Variants in AGGF1 observed in about 807,000 individuals in gnomAD.
The protein encoded by AGGF1 is angiogenic factor with G-patch and FHA domains 1, also known as angiogenic factor with G patch and FHA domains 1.
Under a neutral mutation model 86.5 loss-of-function variants are expected in AGGF1, and 56 were observed. That is an observed-to-expected ratio of 0.65 (90% CI 0.52 to 0.81). The LOEUF (loss-of-function observed/expected upper bound fraction) is 0.81, where lower values mean the gene tolerates loss of function less well. Among genes scored for constraint, AGGF1 ranks in the 30% least tolerant of loss-of-function variants. The pLI, the probability that AGGF1 is intolerant of heterozygous loss-of-function variation, is 0.00. For synonymous variants in AGGF1, 313 were observed against 297.1 expected (o/e 1.05, Z -0.55); for missense variants, 816 against 850.9 (o/e 0.96, Z 0.51).
At chr5:77,045,852 T>C (rs1427085098) in intron 5 of AGGF1, among the ~76,000 whole-genome samples, 1 of 152,268 alleles carries the variant, frequency 6.6e-6, no homozygotes, top group Non-Finnish European at 1.5e-5. Context: ...TGCTGTTAAG[T>C]GTAAAATACA....
chr5:77,043,787 G>A (rs1456201076), intron 5 of AGGF1, among the ~76,000 whole-genome samples: 11 of 120,802 alleles, frequency 9.1e-5, no homozygotes, highest in Admixed American at 3.3e-4. Context: ...CTCAGAGTGG[G>A]CAGCTGCCGG....
chr5:77,063,477 C>T lies in AGGF1; in HGVS notation c.*225C>T, dbSNP rs539923425. ...TAAATAGACTAAAGTTCACAGGGCA[C>T]GGATGAGTTTATCAAACTTCGTTAT... On this transcript the variant is annotated 3_prime_UTR_variant, in exon 14 of 14. Coordinates refer to ENST00000312916, the MANE Select transcript of AGGF1 (RefSeq NM_018046.5). The T allele has an allele frequency of 1.3e-4, 68 of 528,680 alleles. No individual in the cohort carries two copies. Among genetic ancestry groups the T allele is most frequent in the African/African-American group, 1.0e-3 (54 of 52,450 alleles). The allele number at this position is 528,680 out of a possible 1,614,324, so 32.7% of individuals were successfully genotyped here. A position where few individuals can be genotyped will look rare whatever the true frequency, so the allele number is the denominator to read the frequency against.
intron 1 of AGGF1, 108 bp from the exon 2 acceptor site, chr5:77,034,309 CT>C: frequency 1.4e-6 from 1 of 726,544 alleles, no homozygotes; most frequent in East Asian, 2.7e-5. Flanking sequence ...GGGAAACTTG[CT>C]GCTCTTGACA....
intron 5 of AGGF1, 45 bp from the exon 6 acceptor site, chr5:77,046,302 A>G (rs754939000): frequency 6.8e-7 from 1 of 1,460,078 alleles, no homozygotes; most frequent in South Asian, 1.1e-5. Context: ...GTGATGTTTA[A>G]GAGTATTCTC....
intron 8 of AGGF1, 90 bp downstream of exon 8, chr5:77,049,077 A>C: frequency 7.8e-7 from 1 of 1,288,792 alleles, no homozygotes; most frequent in South Asian, 1.2e-5. Flanking sequence ...TTTCTCATTT[A>C]ATAGGAAGGT....
chr5:77,034,652 TATG>T (rs1241427560), intron 2 of AGGF1, 132 bp downstream of exon 2: 10 of 698,400 alleles, frequency 1.4e-5, no homozygotes, highest in Non-Finnish European at 2.6e-5. Context: ...CGTCTCTCCA[TATG>T]ATAATGGTAT....
intron 5 of AGGF1, among the ~76,000 whole-genome samples, chr5:77,041,373 C>G (rs1158057129): frequency 1.3e-5 from 2 of 152,086 alleles, no homozygotes; most frequent in East Asian, 3.9e-4. Flanking sequence ...TCAAGACCAG[C>G]CTGGCCAACA....
chr5:77,059,915 C>A (rs762517589), intron 12 of AGGF1, among the ~76,000 whole-genome samples, 172 bp downstream of exon 12: 3 of 152,012 alleles, frequency 2.0e-5, no homozygotes, highest in Non-Finnish European at 4.4e-5. Context: ...GGTCTCGGCT[C>A]ACTGCAACCT....
chr5:77,039,124 A>G (rs1032723900), intron 4 of AGGF1, among the ~76,000 whole-genome samples: 8 of 152,148 alleles, frequency 5.3e-5, no homozygotes, highest in Non-Finnish European at 1.2e-4. Context: ...TGCAGTCATT[A>G]AGAATCAGGA....
At chr5:77,051,479 T>A (rs1306793388) in intron 8 of AGGF1, among the ~76,000 whole-genome samples, 1 of 151,458 alleles carries the variant, frequency 6.6e-6, no homozygotes, top group African/African-American at 2.4e-5. Flanking sequence ...AAATGCAAGT[T>A]AAAATCACAA....
chr5:77,030,997 C>G lies in AGGF1; in HGVS notation c.210+21C>G, dbSNP rs534824259. 20 of 1,610,678 alleles carry G rather than the reference C, an allele frequency of 1.2e-5. No homozygotes were observed. In the South Asian group the frequency reaches 1.9e-4, roughly 15 times the overall value. ...CGCAGGTGCGCGGTCCTCCTCAGCC[C>G]CGCGCCCCATCCAGCCCAGGCGAGG... On this transcript the variant is annotated intron_variant, in intron 1 of 13. Transcript: ENST00000312916.
In AGGF1 at chr5:77,055,522, A is replaced by T; in HGVS notation, c.1642A>T (p.Thr548Ser). The change falls in exon 11 of 14, where the codon ACA becomes TCA. Residue 548 changes from threonine (T) to serine (S), a missense_variant. Around this residue, in one of 3 missense-constraint regions of AGGF1, gnomAD observed 565 missense variants for 585.8 expected, o/e 0.96. Coordinates refer to ENST00000312916, the MANE Select transcript of AGGF1 (RefSeq NM_018046.5). ...DKKDESFVGP[T>S]LSKEEKELER... ...AACTTTTTTTCTTTCAGTTGGTCCAACACTAAGTAAGGAGGAAAAAGAGTT... is the reference window on the plus strand; with the variant it reads ...AACTTTTTTTCTTTCAGTTGGTCCATCACTAAGTAAGGAGGAAAAAGAGTT... The T allele has an allele frequency of 6.2e-7, 1 of 1,602,020 alleles. No homozygotes were observed. The highest frequency in any genetic ancestry group is 8.5e-7 in the Non-Finnish European group (1 of 1,170,016).
intron 11 of AGGF1, 147 bp downstream of exon 11, chr5:77,055,743 A>G: frequency 1.7e-6 from 1 of 593,736 alleles, no homozygotes; most frequent in African/African-American, 1.9e-5. Context: ...TCTGGTATTC[A>G]TAACCTAAAA....
chr5:77,041,065 C>A (rs1747068380), intron 5 of AGGF1, among the ~76,000 whole-genome samples: 1 of 152,210 alleles, frequency 6.6e-6, no homozygotes, highest in African/African-American at 2.4e-5. Flanking sequence ...TTACTTGATA[C>A]TAAATTGTAA....
In AGGF1 at chr5:77,046,638, A is replaced by C. The variant is rs766058116; in HGVS notation, c.1162A>C (p.Ser388Arg). Residue 388 changes from serine to arginine, a missense_variant, in exon 6 of 14, where the codon AGT becomes CGT. This residue lies in a region of AGGF1 where 565 missense variants were observed against 585.8 expected (regional missense o/e 0.96). Transcript: ENST00000312916. ...GGATAGTTATGACGAAGCCATTACC[A>C]GTGAAGGCAATGTAACTGCAGAAGA... ...TEDSYDEAIT[S>R]EGNVTAEDSE... The C allele has an allele frequency of 6.2e-7, 1 of 1,614,080 alleles. No homozygotes were observed.
rs377486650 is a variant in AGGF1 at position 77,056,385 on chromosome 5, C to T, written c.1716+789C>T. On this transcript the variant is annotated intron_variant, in intron 11 of 13. Transcript: ENST00000312916. ...CTGTGATTGCAGGGGCCCGCCACCA[C>T]GCCCCGCTAATTTTTGTATTTTTAG... 3.9e-3 allele frequency among the ~76,000 whole-genome samples: 586 copies of T among 151,378 alleles called. 3 individuals carry two copies. The highest frequency in any genetic ancestry group is 0.013 in the African/African-American group (553 of 41,026).
At chr5:77,058,514 G>T (rs2150735160) in intron 11 of AGGF1, among the ~76,000 whole-genome samples, 1 of 152,208 alleles carries the variant, frequency 6.6e-6, no homozygotes, top group African/African-American at 2.4e-5. Flanking sequence ...AGGCCAATTT[G>T]GGGGGAAAAT....
chr5:77,057,189 A>G (rs1747477028), intron 11 of AGGF1, among the ~76,000 whole-genome samples: 1 of 152,228 alleles, frequency 6.6e-6, no homozygotes, highest in East Asian at 1.9e-4. Context: ...TTGCTTTGGT[A>G]GTTTCTTAAA....
In AGGF1 at chr5:77,030,887, C is replaced by T. The variant is rs781399140; in HGVS notation, c.121C>T (p.Arg41Trp). ...GGAACGTGAACTGCGGAGCTGCAAG[C>T]GGCAGGTGCGGGAGATCGAGAAGCT... ...KLERELRSCK[R>W]QVREIEKLLH... The change falls in exon 1 of 14, where the codon CGG (arginine) becomes TGG (tryptophan). Residue 41 changes from arginine to tryptophan, a missense_variant. Physicochemically the swap from Arg to Trp is moderately radical, Grantham distance 101. Around this residue, in one of 3 missense-constraint regions of AGGF1, gnomAD observed 240 missense variants for 234.4 expected, o/e 1.02. Coordinates refer to ENST00000312916, the MANE Select transcript of AGGF1 (RefSeq NM_018046.5). 5.0e-6 allele frequency: 8 copies of T among 1,613,352 alleles called. No individual in the cohort carries two copies. The highest frequency in any genetic ancestry group is 1.6e-4 in the Middle Eastern group (1 of 6,084).
Sources: gnomAD v4.1 joint callset for allele counts (sites outside exome capture counted in the v4.1 genomes callset) on GRCh38, gnomAD v4.1.1 for gene constraint, gnomAD v4.1.1 regional missense constraint, MANE v1.5 for transcripts, NCBI Gene and HGNC (gene_info 2026-07-23, HGNC 2026-07-21) for gene names.